NAV3: variants seen among roughly 807,000 people sequenced by gnomAD.
The protein encoded by NAV3 is neuron navigator 3.
Under a neutral mutation model 244.7 loss-of-function variants are expected in NAV3, and 87 were observed. That is an observed-to-expected ratio of 0.36 (90% CI 0.30 to 0.42). The LOEUF is 0.42. NAV3 is among the 20% of genes least tolerant of loss of function. The pLI is 1.00. For missense variants in NAV3, 2,663 were observed against 2,893.3 expected (o/e 0.92, Z 1.83); for synonymous variants, 1,126 against 1,042.2 (o/e 1.08, Z -1.55).
rs541931973 is a variant in NAV3, at chr12:77,761,969, C to T, written c.73-178350C>T. Among the ~76,000 whole-genome samples the T allele has an allele frequency of 5.6e-4, 69 of 123,796 alleles. 1 individual carries two copies. The highest frequency in any genetic ancestry group is 4.1e-3 in the Middle Eastern group (1 of 242). The allele number at this position is 123,796 out of a possible 152,430, so 81.2% of individuals were successfully genotyped here. ...CACAAATCATTCTACTATAGAGACACATGCACACATATGTTTTTTCACAGC... is the reference window on the plus strand; with the variant it reads ...CACAAATCATTCTACTATAGAGACATATGCACACATATGTTTTTTCACAGC... On this transcript the variant is annotated intron_variant, in intron 2 of 8. Transcript: ENST00000550042.
rs116658129 is a variant in NAV3, at chr12:78,035,392, C to T, written c.2023+13530C>T. On this transcript the variant is annotated intron_variant, in intron 9 of 39. Transcript: ENST00000397909. The stretch of plus-strand genomic sequence containing the variant: ...TAGTCTTCTTAACTGTCAATGGTAC[C>T]CATGATTTCTGCTATACTATATATT... Among the ~76,000 whole-genome samples the T allele has an allele frequency of 6.3e-3, 960 of 152,162 alleles. 17 individuals carry two copies. Among genetic ancestry groups the T allele is most frequent in the African/African-American group, 0.022 (922 of 41,506 alleles).
intron 2 of NAV3, among the ~76,000 whole-genome samples, chr12:77,725,804 T>A (rs1359777435): frequency 1.3e-5 from 2 of 152,008 alleles, no homozygotes; most frequent in East Asian, 1.9e-4. Flanking sequence ...AATTTAGGTC[T>A]CTACAGGGCT....
chr12:77,803,852 T>G (rs543838191), intron 2 of NAV3, among the ~76,000 whole-genome samples: 1 of 152,370 alleles, frequency 6.6e-6, no homozygotes, highest in African/African-American at 2.4e-5. Flanking sequence ...TCATTGTGGT[T>G]TTGATTTGCA....
chr12:78,108,678 T>C (rs1431457527), intron 12 of NAV3, among the ~76,000 whole-genome samples: 1 of 152,068 alleles, frequency 6.6e-6, no homozygotes, highest in Admixed American at 6.6e-5. Context: ...TACAAATACA[T>C]GCAGATTAAA....
At chr12:77,625,249 C>G (rs1871564949) in intron 2 of NAV3, among the ~76,000 whole-genome samples, 1 of 152,036 alleles carries the variant, frequency 6.6e-6, no homozygotes. Context: ...CAGAGAATAA[C>G]ATGTTATATG....
intron 1 of NAV3, 121 bp from the exon 2 acceptor site, chr12:77,940,198 C>G (rs1889731920): frequency 1.4e-6 from 1 of 711,874 alleles, no homozygotes; most frequent in South Asian, 1.8e-5. Context: ...AGAGCTATGA[C>G]TTCTTAAACT....
At chr12:77,938,081 C>T (rs1889498923) in intron 1 of NAV3, among the ~76,000 whole-genome samples, 2 of 152,096 alleles carry the variant, frequency 1.3e-5, no homozygotes, top group African/African-American at 4.8e-5. Context: ...TTCTCCTCAC[C>T]CTTGTGAATC....
chr12:77,726,085 T>C (rs538888191), intron 2 of NAV3, among the ~76,000 whole-genome samples: 52 of 152,040 alleles, frequency 3.4e-4, no homozygotes, highest in Middle Eastern at 3.4e-3. Context: ...ATTTTCCCTT[T>C]CCATCTCATA....
At chr12:78,127,961 A>G (rs1442774750) in intron 17 of NAV3, among the ~76,000 whole-genome samples, 1 of 152,178 alleles carries the variant, frequency 6.6e-6, no homozygotes, top group Admixed American at 6.5e-5. Flanking sequence ...AGAATGATCT[A>G]CTAATAGAGG....
intron 3 of NAV3, among the ~76,000 whole-genome samples, chr12:77,954,278 A>G (rs1180075459): frequency 1.3e-5 from 2 of 152,056 alleles, no homozygotes; most frequent in Admixed American, 6.6e-5. Context: ...TTGAGCCCCT[A>G]CTTTGTTTGT....
At chr12:77,647,447 G>A (rs1872650212) in intron 2 of NAV3, among the ~76,000 whole-genome samples, 2 of 151,694 alleles carry the variant, frequency 1.3e-5, no homozygotes, top group South Asian at 4.1e-4. Context: ...CAGATTTGTA[G>A]CATGCTTTTT....
intron 2 of NAV3, among the ~76,000 whole-genome samples, chr12:77,621,565 C>T (rs2136872483): frequency 6.6e-6 from 1 of 150,576 alleles, no homozygotes; most frequent in South Asian, 2.1e-4. Flanking sequence ...ACTGCAACCT[C>T]CACCTCCCGT....
intron 2 of NAV3, among the ~76,000 whole-genome samples, chr12:77,786,289 GT>G (rs139049296): frequency 5.3e-5 from 8 of 151,554 alleles, no homozygotes; most frequent in Non-Finnish European, 8.8e-5. Context: ...GATATTATTT[GT>G]TTTTTTTCCT....
chr12:78,191,339 A>G (rs300508), intron 34 of NAV3, among the ~76,000 whole-genome samples: 20,701 of 152,142 alleles, frequency 0.14, 1,843 homozygotes, highest in Non-Finnish European at 0.2. Context: ...CGCAAGTAGC[A>G]AGCACGATAT....
At chr12:77,718,587 C>T (rs1343348849) in intron 2 of NAV3, among the ~76,000 whole-genome samples, 1 of 152,026 alleles carries the variant, frequency 6.6e-6, no homozygotes, top group Non-Finnish European at 1.5e-5. Flanking sequence ...AACATTATTT[C>T]TATTTCTACA....
intron 2 of NAV3, among the ~76,000 whole-genome samples, chr12:77,618,397 C>G (rs1472857044): frequency 1.3e-5 from 2 of 152,072 alleles, no homozygotes; most frequent in Non-Finnish European, 2.9e-5. Context: ...AAAACACAAG[C>G]AAAATATTAA....
chr12:77,863,607 T>C (rs754823547), intron 1 of NAV3, among the ~76,000 whole-genome samples: 14 of 151,908 alleles, frequency 9.2e-5, no homozygotes, highest in Non-Finnish European at 1.6e-4. Flanking sequence ...CTAACTGCAA[T>C]TTTCTCTTTG....
At chr12:78,030,881 C>A (rs908742856) in intron 9 of NAV3, among the ~76,000 whole-genome samples, 1 of 152,116 alleles carries the variant, frequency 6.6e-6, no homozygotes, top group Admixed American at 6.6e-5. Flanking sequence ...GAAACAAATT[C>A]TTCTTAACTT....
chr12:77,588,396 G>A (rs751036891), intron 2 of NAV3, among the ~76,000 whole-genome samples: 1 of 152,084 alleles, frequency 6.6e-6, no homozygotes, highest in Non-Finnish European at 1.5e-5. Context: ...TGGGATTACA[G>A]GTGTGAGCAA....
Sources: gnomAD v4.1 joint callset for allele counts (sites outside exome capture counted in the v4.1 genomes callset) on GRCh38, gnomAD v4.1.1 for gene constraint, MANE v1.5 for transcripts, NCBI Gene and HGNC (gene_info 2026-07-23, HGNC 2026-07-21) for gene names.